The following RABGAP1L variants were observed in gnomAD, a reference collection of about 807,000 sequenced individuals.
RABGAP1L encodes the protein RAB GTPase activating protein 1 like, also known as rab GTPase-activating protein 1-like.
RABGAP1L carries 63 observed loss-of-function variants against 137.7 expected under a neutral mutation model. The ratio of observed to expected loss-of-function variants is 0.46; its 90% confidence interval spans 0.37 to 0.56. RABGAP1L has a LOEUF of 0.56. Ranked by LOEUF, RABGAP1L falls within the 20% of genes least tolerant of loss-of-function variation. The probability of loss-of-function intolerance (pLI) is 0.00; values close to 1 mark genes in which losing one functional copy is unlikely to be tolerated. For missense variants in RABGAP1L, 1,095 were observed against 1,244.0 expected, an observed-to-expected ratio of 0.88 and a Z score of 1.80; for synonymous variants, 431 against 433.7, an observed-to-expected ratio of 0.99 and a Z score of 0.08.
intron 13 of RABGAP1L, among the ~76,000 whole-genome samples, chr1:174,420,227 A>G (rs2149161324): frequency 6.8e-6 from 1 of 146,608 alleles, no homozygotes; most frequent in African/African-American, 2.5e-5. Flanking sequence ...TTAAATGGAT[A>G]GAGATGTAGC....
intron 13 of RABGAP1L, among the ~76,000 whole-genome samples, chr1:174,439,096 T>C (rs1353807432): frequency 6.6e-6 from 1 of 151,718 alleles, no homozygotes; most frequent in Non-Finnish European, 1.5e-5. Flanking sequence ...TCTAGTACAA[T>C]GTGTATAGAT....
intron 20 of RABGAP1L, among the ~76,000 whole-genome samples, chr1:174,959,435 G>T (rs1204146167): frequency 6.6e-6 from 1 of 152,126 alleles, no homozygotes; most frequent in Non-Finnish European, 1.5e-5. Flanking sequence ...AATTGAACTT[G>T]TTATTGTGTC....
At chr1:174,803,704 G>A (rs1421037553) in intron 18 of RABGAP1L, among the ~76,000 whole-genome samples, 10 of 151,614 alleles carry the variant, frequency 6.6e-5, no homozygotes, top group Non-Finnish European at 1.3e-4. Context: ...CAAGAATAGT[G>A]AGAAGTTTGG....
At chr1:174,455,059 G>T (rs1458354280) in intron 13 of RABGAP1L, among the ~76,000 whole-genome samples, 3 of 152,040 alleles carry the variant, frequency 2.0e-5, no homozygotes, top group African/African-American at 7.2e-5. Flanking sequence ...TTCTCCAAAG[G>T]TGAAGAAAAT....
intron 19 of RABGAP1L, among the ~76,000 whole-genome samples, chr1:174,878,720 A>G (rs1180185338): frequency 6.6e-6 from 1 of 152,114 alleles, no homozygotes; most frequent in Non-Finnish European, 1.5e-5. Flanking sequence ...AAAAATAAAA[A>G]TAAAAAAATA....
At chr1:174,507,109 A>G (rs977881794) in intron 13 of RABGAP1L, among the ~76,000 whole-genome samples, 20 of 152,212 alleles carry the variant, frequency 1.3e-4, no homozygotes, top group Admixed American at 3.3e-4. Flanking sequence ...TTAAGGAACA[A>G]TGTTTGAAAA....
At chr1:174,440,457 A>G (rs539796907) in intron 13 of RABGAP1L, among the ~76,000 whole-genome samples, 236 of 152,370 alleles carry the variant, frequency 1.5e-3, no homozygotes, top group Middle Eastern at 0.01. Context: ...GATGGAGAAA[A>G]GTTACCAGGT....
chr1:174,949,036 A>G (rs934547331), intron 19 of RABGAP1L, among the ~76,000 whole-genome samples: 10 of 152,344 alleles, frequency 6.6e-5, no homozygotes, highest in African/African-American at 2.2e-4. Flanking sequence ...CAGAACATGA[A>G]ATTCTAATAA....
Position 174,484,800 on chromosome 1 carries a change from C to A in RABGAP1L, c.1710+90655C>A, listed in dbSNP as rs1659472119. Among the ~76,000 whole-genome samples the A allele has an allele frequency of 2.6e-5, 4 of 152,084 alleles. No individual in the cohort carries two copies. The South Asian group carries it at 8.3e-4, about 31-fold the overall frequency. On this transcript the variant is annotated intron_variant, in intron 13 of 25. Coordinates refer to ENST00000681986, the MANE Select transcript of RABGAP1L (RefSeq NM_001366446.1). ...AGTCAGTAATGTGATTCTTCCAGTTCTGTTCTTTTTGCTTAGGATAACTTT... is the reference window on the plus strand; with the variant it reads ...AGTCAGTAATGTGATTCTTCCAGTTATGTTCTTTTTGCTTAGGATAACTTT...
At chr1:174,888,261 T>C (rs1196988441) in intron 19 of RABGAP1L, among the ~76,000 whole-genome samples, 1 of 152,148 alleles carries the variant, frequency 6.6e-6, no homozygotes, top group Admixed American at 6.5e-5. Flanking sequence ...ATTGGCTACA[T>C]TTATAATGGA....
At chr1:174,664,758 C>G (rs1572729459) in intron 14 of RABGAP1L, among the ~76,000 whole-genome samples, 1 of 45,362 alleles carries the variant, frequency 2.2e-5, no homozygotes, top group African/African-American at 1.1e-4. Flanking sequence ...TTTTTTTTGA[C>G]AGAGTTTTCA....
At chr1:174,216,432 AC>A (rs1407740829) in intron 1 of RABGAP1L, among the ~76,000 whole-genome samples, 1 of 152,184 alleles carries the variant, frequency 6.6e-6, no homozygotes, top group East Asian at 1.9e-4. Context: ...ACATGTACCC[AC>A]AAAAATTAAA....
chr1:174,802,955 T>G (rs1352655340), intron 18 of RABGAP1L, among the ~76,000 whole-genome samples: 2 of 152,380 alleles, frequency 1.3e-5, no homozygotes, highest in South Asian at 4.1e-4. Flanking sequence ...GAGGAAGTAC[T>G]AAAGTGTAAA....
chr1:174,515,106 A>G (rs1304830351), intron 13 of RABGAP1L, among the ~76,000 whole-genome samples: 1 of 152,082 alleles, frequency 6.6e-6, no homozygotes, highest in Admixed American at 6.6e-5. Flanking sequence ...TCTCTTAGCA[A>G]TTTTCAATGC....
intron 19 of RABGAP1L, among the ~76,000 whole-genome samples, chr1:174,940,677 C>T (rs561483941): frequency 1.3e-5 from 2 of 152,228 alleles, no homozygotes; most frequent in Non-Finnish European, 2.9e-5. Context: ...ATTTTAAAAC[C>T]TCAGTGATCT....
chr1:174,726,294 A>AT (rs888159034), intron 17 of RABGAP1L, among the ~76,000 whole-genome samples: 37 of 148,764 alleles, frequency 2.5e-4, no homozygotes, highest in East Asian at 1.8e-3. Flanking sequence ...TTTTCAGCAG[A>AT]TTTTTTTTTT....
At chr1:174,765,632 A>G (rs1031933220) in intron 18 of RABGAP1L, among the ~76,000 whole-genome samples, 2 of 150,794 alleles carry the variant, frequency 1.3e-5, no homozygotes, top group Non-Finnish European at 3.0e-5. Flanking sequence ...GGGTCTTACT[A>G]TGTTGCCCAG....
chr1:174,346,101 G>C (rs1682406126), intron 11 of RABGAP1L, among the ~76,000 whole-genome samples: 1 of 152,050 alleles, frequency 6.6e-6, no homozygotes, highest in Admixed American at 6.6e-5. Context: ...ATCCCAATTG[G>C]TCATGATGAA....
chr1:174,701,791 G>C (rs1679676157), intron 16 of RABGAP1L, among the ~76,000 whole-genome samples: 2 of 151,314 alleles, frequency 1.3e-5, no homozygotes, highest in African/African-American at 4.9e-5. Context: ...GCTATGACTT[G>C]ACCCTGGAGT....
Sources: allele counts gnomAD v4.1 joint callset (sites outside exome capture counted in the v4.1 genomes callset), GRCh38; gene constraint gnomAD v4.1.1; transcripts MANE v1.5; gene names NCBI Gene and HGNC (gene_info 2026-07-23, HGNC 2026-07-21).